Variants in ZNF800 observed in about 807,000 individuals in gnomAD.
ZNF800 encodes zinc finger protein 800.
Under a neutral mutation model 59.5 loss-of-function variants are expected in ZNF800, and 13 were observed. That is an observed-to-expected ratio of 0.22 (90% CI 0.14 to 0.35). The LOEUF (loss-of-function observed/expected upper bound fraction) is 0.35, where lower values mean the gene tolerates loss of function less well. Ranked by LOEUF, ZNF800 falls within the 10% of genes least tolerant of loss-of-function variation. The probability of loss-of-function intolerance (pLI) is 1.00; values close to 1 mark genes in which losing one functional copy is unlikely to be tolerated. For missense variants in ZNF800, 621 were observed against 783.7 expected (o/e 0.79, Z 2.48); for synonymous variants, 266 against 265.7 (o/e 1.00, Z -0.01).
At chr7:127,360,477 C>A (rs1227133026) in intron 1 of ZNF800, 1 of 152,180 alleles carries the variant, frequency 6.6e-6, no homozygotes, top group Admixed American at 6.6e-5. Context: ...TACATATAAT[C>A]CTTTATAGGA....
Position 127,392,356 on chromosome 7 carries a change from A to C in ZNF800, c.-355T>G. On this transcript the variant is annotated 5_prime_UTR_variant, in exon 1 of 6. Transcript: ENST00000265827. ...AGGCGCGCGGGCGGAGGCAGTTGACAGGAGGAACCGCCCGGCAGCAGCTGC... is the reference window on the plus strand; with the variant it reads ...AGGCGCGCGGGCGGAGGCAGTTGACCGGAGGAACCGCCCGGCAGCAGCTGC... 1 of 382,718 alleles carries C rather than the reference A, an allele frequency of 2.6e-6. No individual in the cohort carries two copies. Among genetic ancestry groups the C allele is most frequent in the African/African-American group, 2.1e-5 (1 of 48,054 alleles). The allele number at this position is 382,718 out of a possible 1,614,324, so 23.7% of individuals were successfully genotyped here.
chr7:127,386,924 T>C (rs1028327758), intron 2 of ZNF800, among the ~76,000 whole-genome samples: 1 of 151,940 alleles, frequency 6.6e-6, no homozygotes, highest in South Asian at 2.1e-4. Context: ...AATATATAAA[T>C]TTAATATATA....
chr7:127,345,859 A>G (rs1262240489), downstream of ZNF800, among the ~76,000 whole-genome samples: 1 of 152,182 alleles, frequency 6.6e-6, no homozygotes, highest in Admixed American at 6.5e-5. Context: ...AAGAATAGAC[A>G]ACTCCATTAA....
downstream of ZNF800, among the ~76,000 whole-genome samples, chr7:127,368,039 T>C (rs1224112007): frequency 6.6e-6 from 1 of 152,030 alleles, no homozygotes; most frequent in Non-Finnish European, 1.5e-5. Context: ...AATGAAGATT[T>C]AGGAGGAAAT....
chr7:127,387,618 T>A (rs140788555), intron 2 of ZNF800, among the ~76,000 whole-genome samples: 2 of 152,230 alleles, frequency 1.3e-5, no homozygotes, highest in East Asian at 3.9e-4. Flanking sequence ...CCCAGCACTT[T>A]GGGAGGCCAA....
chr7:127,383,494 T>A (rs1434275476), intron 3 of ZNF800, among the ~76,000 whole-genome samples: 1 of 152,114 alleles, frequency 6.6e-6, no homozygotes, highest in African/African-American at 2.4e-5. Flanking sequence ...AGCCTAGAAA[T>A]AGATGAGTCA....
chr7:127,391,009 A>T (rs1801295190), intron 2 of ZNF800, among the ~76,000 whole-genome samples: 1 of 152,266 alleles, frequency 6.6e-6, no homozygotes. Context: ...GGTTGCGCTT[A>T]GCAAAACCTG....
intron 3 of ZNF800, among the ~76,000 whole-genome samples, chr7:127,379,590 AAT>A (rs1177091884): frequency 6.6e-6 from 1 of 152,174 alleles, no homozygotes; most frequent in Non-Finnish European, 1.5e-5. Context: ...ATACATAAAA[AAT>A]AGTCAAGTGT....
At chr7:127,379,860 C>T (rs1388644683) in intron 3 of ZNF800, among the ~76,000 whole-genome samples, 5 of 73,786 alleles carry the variant, frequency 6.8e-5, no homozygotes, top group Non-Finnish European at 1.4e-4. Context: ...CCACCCCCCC[C>T]ACACACACAC....
chr7:127,372,883 C>T, intron 5 of ZNF800: 2 of 985,096 alleles, frequency 2.0e-6, no homozygotes, highest in Non-Finnish European at 1.2e-6. Flanking sequence ...AATTACAGTG[C>T]CTCAAAAGAT....
rs760407355 is a variant in ZNF800 at position 127,371,713 on chromosome 7, TC to T, written c.*100del. 2.9e-5 allele frequency: 18 copies of T among 618,846 alleles called. No individual in the cohort carries two copies. The highest frequency in any genetic ancestry group is 4.5e-5 in the Non-Finnish European group (15 of 336,354). The allele number at this position is 618,846 out of a possible 1,614,324, so 38.3% of individuals were successfully genotyped here. On this transcript the variant is annotated 3_prime_UTR_variant, in exon 6 of 6. Coordinates refer to ENST00000265827, the MANE Select transcript of ZNF800 (RefSeq NM_176814.5). ...ATTTAGAAAAATGTTTTTCTTTTTT[TC>T]CTCATAGTACCATTTGAAGATGTTT...
In ZNF800 at chr7:127,374,033, T is replaced by C; in HGVS notation, c.1303A>G (p.Asn435Asp). 3 of 1,614,092 alleles carry C rather than the reference T, an allele frequency of 1.9e-6. No homozygotes were observed. The highest frequency in any genetic ancestry group is 2.5e-6 in the Non-Finnish European group (3 of 1,180,016). ...GTGTTCTTTTTTTCATTTGAATGAT[T>C]TGTTCCCTTTAATTCATTCTGTGGA... The part of the protein sequence containing the change: ...HSPQNELKGT[N>D]HSNEKKNTPA... Residue 435 changes from asparagine to aspartate, a missense_variant, in exon 5 of 6, where the codon AAT (asparagine) becomes GAT (aspartate). Physicochemically the swap from Asn to Asp is conservative, Grantham distance 23. This residue lies in a region of ZNF800 where 185 missense variants were observed against 177.6 expected (regional missense o/e 1.04). Transcript: ENST00000265827.
At chr7:127,355,690 T>A (rs1197064400) in intron 1 of ZNF800, among the ~76,000 whole-genome samples, 1 of 152,126 alleles carries the variant, frequency 6.6e-6, no homozygotes, top group Non-Finnish European at 1.5e-5. Flanking sequence ...GTTTTAGACA[T>A]AGTTTTATTC....
Position 127,371,442 on chromosome 7 carries a change from T to C in ZNF800, c.*372A>G, listed in dbSNP as rs1460350882. Reference sequence around the variant, plus strand: ...AAATCACTAAGATATAAAGTCTTTGTCAATTAAAAATTGATATTTTCTTCA... The same window carrying C: ...AAATCACTAAGATATAAAGTCTTTGCCAATTAAAAATTGATATTTTCTTCA... On this transcript the variant is annotated 3_prime_UTR_variant, in exon 6 of 6. Coordinates refer to ENST00000265827, the MANE Select transcript of ZNF800 (RefSeq NM_176814.5). 5.7e-6 allele frequency: 1 copy of C among 174,854 alleles called. No individual in the cohort carries two copies. Among genetic ancestry groups the C allele is most frequent in the African/African-American group, 2.4e-5 (1 of 42,432 alleles). The allele number at this position is 174,854 out of a possible 1,614,324, so 10.8% of individuals were successfully genotyped here.
In ZNF800 at chr7:127,356,053, A is replaced by G. The variant is rs117744062; in HGVS notation, n.225-8010T>C. On this transcript the variant is annotated intron_variant and non_coding_transcript_variant, in intron 1 of 1. Transcript: ENST00000485577. Reference sequence around the variant, plus strand: ...TACTTTGCCATTGATTAAGTTTGTGAATTGGGCCTGGGTGATGAAATTGAG... The same window carrying G: ...TACTTTGCCATTGATTAAGTTTGTGGATTGGGCCTGGGTGATGAAATTGAG... Among the ~76,000 whole-genome samples the G allele has an allele frequency of 7.7e-3, 1,176 of 152,130 alleles. 13 individuals are homozygous for G. The highest frequency in any genetic ancestry group is 1.0e-2 in the Non-Finnish European group (679 of 67,920).
At chr7:127,378,535 C>T (rs9791822) in intron 3 of ZNF800, among the ~76,000 whole-genome samples, 96,916 of 151,346 alleles carry the variant, frequency 0.64, 31,396 homozygotes, top group East Asian at 0.86. Flanking sequence ...CATTTAACCA[C>T]CTATTAGGCT....
intron 1 of ZNF800, among the ~76,000 whole-genome samples, chr7:127,355,216 A>G (rs1800245709): frequency 6.6e-6 from 1 of 152,102 alleles, no homozygotes; most frequent in Non-Finnish European, 1.5e-5. Flanking sequence ...AGAACCAGAG[A>G]AGGCCAAGAG....
chr7:127,350,623 ATTCAAGTCACATTATTTCCTCTGCC>A (rs1276561438), intron 1 of ZNF800: 24 of 152,340 alleles, frequency 1.6e-4, no homozygotes, highest in African/African-American at 5.8e-4. Context: ...TTCAAGTTAG[ATTCAAGTCACATTATTTCCTCTGCC>A]TTCAAGTTCA....
intron 3 of ZNF800, among the ~76,000 whole-genome samples, chr7:127,382,749 C>T (rs1177181763): frequency 6.6e-6 from 1 of 151,948 alleles, no homozygotes; most frequent in Non-Finnish European, 1.5e-5. Context: ...CAAAGGTACA[C>T]AAGAGTACGT....
Sources: gnomAD v4.1 joint callset for allele counts (sites outside exome capture counted in the v4.1 genomes callset) on GRCh38, gnomAD v4.1.1 for gene constraint, gnomAD v4.1.1 regional missense constraint, MANE v1.5 for transcripts, NCBI Gene and HGNC (gene_info 2026-07-23, HGNC 2026-07-21) for gene names.